Variants in TUBGCP5 observed in about 807,000 individuals in gnomAD.
TUBGCP5 encodes the protein tubulin gamma complex component 5.
In TUBGCP5, 98 loss-of-function variants were observed where a neutral mutation model predicts 134.7. The ratio of observed to expected loss-of-function variants is 0.73; its 90% CI spans 0.62 to 0.86. TUBGCP5 has a LOEUF of 0.86. Ranked by LOEUF, TUBGCP5 falls within the 40% of genes least tolerant of loss-of-function variation. TUBGCP5 has a pLI of 0.00. For synonymous variants in TUBGCP5, 456 were observed against 431.4 expected (o/e 1.06, Z -0.71); for missense variants, 1,150 against 1,244.8 (o/e 0.92, Z 1.15).
Position 23,013,052 on chromosome 15 carries a change from G to A in TUBGCP5, c.1757-1721C>T, listed in dbSNP as rs1595856704. Among the ~76,000 whole-genome samples, 1 of 152,132 alleles carries A rather than the reference G, an allele frequency of 6.6e-6. No homozygotes were observed. Among genetic ancestry groups the A allele is most frequent in the Admixed American group, 6.5e-5 (1 of 15,278 alleles). ...TGTGAGGCAGAAGTTGCAGTGAGCCGAGATCATGCCACTGCACTCCAGTCG... is the reference window on the plus strand; with the variant it reads ...TGTGAGGCAGAAGTTGCAGTGAGCCAAGATCATGCCACTGCACTCCAGTCG... On this transcript the variant is annotated intron_variant, in intron 13 of 22. Transcript: ENST00000615383. This position sits in a 1 kb window ranked among gnomAD's most constrained non-coding sequence, Gnocchi z 4.5.
Position 23,039,393 on chromosome 15 carries a change from C to A in TUBGCP5, c.146+5G>T. On this transcript the variant is annotated splice_donor_5th_base_variant and intron_variant, in intron 1 of 22. Transcript: ENST00000615383. Reference sequence around the variant, plus strand: ...GGGAACCCGCCCGCGCGCCGTGCCCCACACCTGAAGTTGGACCAGGCGAAG... The same window carrying A: ...GGGAACCCGCCCGCGCGCCGTGCCCAACACCTGAAGTTGGACCAGGCGAAG... 2 of 1,469,322 alleles carry A rather than the reference C, an allele frequency of 1.4e-6. No homozygotes were observed. The highest frequency in any genetic ancestry group is 1.8e-6 in the Non-Finnish European group (2 of 1,099,174). The allele number at this position is 1,469,322 out of a possible 1,614,324, so 91.0% of individuals were successfully genotyped here.
At chr15:23,003,249 C>A in intron 20 of TUBGCP5, 96 bp from the exon 21 acceptor site, 1 of 1,230,310 alleles carries the variant, frequency 8.1e-7, no homozygotes. Flanking sequence ...AGAAAAAGTT[C>A]ATCACCACAG....
chr15:23,015,679 G>A (rs969489392), intron 13 of TUBGCP5, among the ~76,000 whole-genome samples: 5 of 152,198 alleles, frequency 3.3e-5, no homozygotes, highest in African/African-American at 9.6e-5. Flanking sequence ...GAGCCACCAC[G>A]CCCAGCCAAC....
At chr15:23,015,975 C>T (rs1158116896) in intron 13 of TUBGCP5, among the ~76,000 whole-genome samples, 1 of 152,096 alleles carries the variant, frequency 6.6e-6, no homozygotes, top group African/African-American at 2.4e-5. Flanking sequence ...CATGACACCT[C>T]CCAAGAAAAC....
chr15:23,037,402 TCTTC>T (rs2066656225), intron 1 of TUBGCP5, among the ~76,000 whole-genome samples: 1 of 152,126 alleles, frequency 6.6e-6, no homozygotes, highest in Non-Finnish European at 1.5e-5. Context: ...GGCTCCTCTG[TCTTC>T]CCATAAGCCC....
chr15:23,028,087 C>T (rs922084800), intron 6 of TUBGCP5, among the ~76,000 whole-genome samples: 10 of 151,872 alleles, frequency 6.6e-5, no homozygotes, highest in Non-Finnish European at 1.3e-4. Flanking sequence ...AGACAGGATA[C>T]ATGTAATTCA....
At chr15:23,025,988 A>C in intron 8 of TUBGCP5, 128 bp downstream of exon 8, 1 of 655,342 alleles carries the variant, frequency 1.5e-6, no homozygotes, top group Non-Finnish European at 2.6e-6. Context: ...ATCTGGTCCG[A>C]ACTTCACACC....
intron 23 of TUBGCP5, among the ~76,000 whole-genome samples, chr15:22,988,785 T>G (rs1219659656): frequency 2.6e-5 from 4 of 151,964 alleles, no homozygotes; most frequent in Non-Finnish European, 4.4e-5. Flanking sequence ...GTTTGTTTTT[T>G]GAGACGGAGT....
intron 1 of TUBGCP5, among the ~76,000 whole-genome samples, chr15:23,038,634 A>T (rs2140728942): frequency 6.6e-6 from 1 of 152,324 alleles, no homozygotes; most frequent in East Asian, 1.9e-4. Context: ...TTCATTATTC[A>T]AGAAGATTTT....
intron 23 of TUBGCP5, among the ~76,000 whole-genome samples, chr15:22,988,723 G>A (rs1397613805): frequency 4.7e-5 from 6 of 127,640 alleles, no homozygotes; most frequent in Non-Finnish European, 8.1e-5. Flanking sequence ...ACGACAGAGC[G>A]AGACTCCGTC....
chr15:23,038,497 T>C (rs2066724687), intron 1 of TUBGCP5, among the ~76,000 whole-genome samples: 1 of 152,212 alleles, frequency 6.6e-6, no homozygotes, highest in South Asian at 2.1e-4. Context: ...AAGAATTCAG[T>C]TTATTACTTC....
intron 9 of TUBGCP5, 112 bp from the exon 10 acceptor site, chr15:23,024,305 T>C: frequency 8.1e-7 from 1 of 1,232,424 alleles, no homozygotes; most frequent in Non-Finnish European, 1.1e-6. Flanking sequence ...ACAGTATGTT[T>C]AGTAGAAGAC....
Position 23,037,145 on chromosome 15 carries a change from G to A in TUBGCP5, c.154C>T (p.Arg52Cys), listed in dbSNP as rs775762366. The A allele has an allele frequency of 5.0e-6, 8 of 1,613,246 alleles. No homozygotes were observed. The highest frequency in any genetic ancestry group is 3.3e-5 in the Admixed American group (2 of 59,984). The change falls in exon 2 of 23, where the codon CGT becomes TGT. Residue 52 changes from arginine to cysteine, a missense_variant. Arg to Cys is a radical substitution (Grantham distance 180). Coordinates refer to ENST00000615383, the MANE Select transcript of TUBGCP5 (RefSeq NM_052903.6). ...TTGTGGCTGTTGACATCCAAGAAAC[G>A]ATGAAATCTATTAAAGACAAAATGC... Reference protein sequence around the residue: ...NFAWSNFRFHRFLDVNSHKIE... With the variant: ...NFAWSNFRFHCFLDVNSHKIE...
At chr15:23,036,184 C>CAT (rs1555446517) in intron 3 of TUBGCP5, among the ~76,000 whole-genome samples, 1 of 152,164 alleles carries the variant, frequency 6.6e-6, no homozygotes, top group Non-Finnish European at 1.5e-5. Flanking sequence ...TAAGGTCAGC[C>CAT]ATGTGGGCTC....
At chr15:23,032,532 T>C (rs2066371850) in intron 4 of TUBGCP5, among the ~76,000 whole-genome samples, 196 bp downstream of exon 4, 1 of 152,214 alleles carries the variant, frequency 6.6e-6, no homozygotes, top group Non-Finnish European at 1.5e-5. Context: ...ATTGAATCTG[T>C]GGGTCTGGAA....
At position 23,017,501 on chromosome 15, in the gene TUBGCP5, T is replaced by C. The variant is rs147676505; in HGVS notation, c.1756+272A>G. On this transcript the variant is annotated intron_variant, in intron 13 of 22. Transcript: ENST00000615383. ...AATGGCAGGGGATTACTTTTTAAAG[T>C]TCCAGTCCTAAGGAATCCAGAGTGA... is the stretch of plus-strand genomic sequence containing the variant. 2.4e-3 allele frequency among the ~76,000 whole-genome samples: 372 copies of C among 152,144 alleles called. 1 individual carries two copies. Among genetic ancestry groups the C allele is most frequent in the African/African-American group, 7.3e-3 (304 of 41,512 alleles).
rs536559427 is a variant in TUBGCP5, at chr15:23,009,273, A to ATTTT, written c.2145-396_2145-393dup. On this transcript the variant is annotated intron_variant, in intron 15 of 22. Coordinates refer to ENST00000615383, the MANE Select transcript of TUBGCP5 (RefSeq NM_052903.6). ...TATCTCCTGCTTTTTAATTGCCATA[A>ATTTT]TTTTTTTTTTTTTGAGATGGAGTCT... is the stretch of plus-strand genomic sequence containing the variant. Among the ~76,000 whole-genome samples the ATTTT allele has an allele frequency of 5.2e-4, 76 of 145,458 alleles. No homozygotes were observed. The East Asian group carries it at 8.9e-3, about 17-fold the overall frequency.
downstream of TUBGCP5, among the ~76,000 whole-genome samples, chr15:22,995,179 G>A (rs550591383): frequency 5.9e-5 from 9 of 152,030 alleles, no homozygotes; most frequent in Non-Finnish European, 1.2e-4. Flanking sequence ...GGGAGGCAGA[G>A]GTTGAGGTGA....
rs759519001 is a variant in TUBGCP5 at position 23,022,116 on chromosome 15, C to G, written c.1214G>C (p.Arg405Pro). 1.9e-6 allele frequency: 3 copies of G among 1,614,166 alleles called. No individual in the cohort carries two copies. In the Admixed American group the frequency reaches 5.0e-5, roughly 27 times the overall value. ...LAIVVDKLAPRLSQLKVLHKV... is the reference protein window; with the variant it reads ...LAIVVDKLAPPLSQLKVLHKV... ...GTGCAGAACCTTGAGCTGAGACAATCGAGGTGCCAACTTGTCCACCACTAT... is the reference window on the plus strand; with the variant it reads ...GTGCAGAACCTTGAGCTGAGACAATGGAGGTGCCAACTTGTCCACCACTAT... The change falls in exon 11 of 23, where the codon CGA (arginine) becomes CCA (proline). Residue 405 changes from arginine (R) to proline (P), a missense_variant. By Grantham distance (103) the Arg-to-Pro change is moderately radical. Transcript: ENST00000615383.
Sources: allele counts gnomAD v4.1 joint callset (sites outside exome capture counted in the v4.1 genomes callset), GRCh38; gene constraint gnomAD v4.1.1; non-coding constraint Gnocchi (gnomAD v3.1); transcripts MANE v1.5; gene names NCBI Gene and HGNC (gene_info 2026-07-23, HGNC 2026-07-21).